ADAMTS3: variants seen among roughly 807,000 people sequenced by gnomAD.
ADAMTS3 encodes the protein A disintegrin and metalloproteinase with thrombospondin motifs 3.
Under a neutral mutation model 129.0 loss-of-function variants are expected in ADAMTS3, and 73 were observed. That is an observed-to-expected ratio of 0.57 (90% CI 0.47 to 0.69). The LOEUF (loss-of-function observed/expected upper bound fraction) is 0.69, where lower values mean the gene tolerates loss of function less well. Ranked by LOEUF, ADAMTS3 falls within the 30% of genes least tolerant of loss-of-function variation. The pLI is 0.00. For missense variants in ADAMTS3, 1,457 were observed against 1,514.5 expected (o/e 0.96, Z 0.63); for synonymous variants, 477 against 510.8 (o/e 0.93, Z 0.89).
intron 3 of ADAMTS3, among the ~76,000 whole-genome samples, chr4:72,520,279 G>C (rs183573404): frequency 1.3e-5 from 2 of 152,322 alleles, no homozygotes; most frequent in East Asian, 3.9e-4. Flanking sequence ...AGGCTGCTCG[G>C]GGGTCAGGGG....
At chr4:72,419,111 T>C (rs1315990578) in intron 3 of ADAMTS3, among the ~76,000 whole-genome samples, 1 of 152,140 alleles carries the variant, frequency 6.6e-6, no homozygotes, top group Non-Finnish European at 1.5e-5. Context: ...AAAAATGAGG[T>C]GCCCCCGTCT....
intron 5 of ADAMTS3, among the ~76,000 whole-genome samples, chr4:72,323,499 C>T (rs1287205960): frequency 6.6e-6 from 1 of 152,156 alleles, no homozygotes; most frequent in Non-Finnish European, 1.5e-5. Flanking sequence ...CATTTGCTTA[C>T]TGGGGTGCCT....
At chr4:72,343,560 A>T (rs763821259) in intron 4 of ADAMTS3, among the ~76,000 whole-genome samples, 91 of 152,132 alleles carry the variant, frequency 6.0e-4, no homozygotes, top group Non-Finnish European at 9.7e-4. Flanking sequence ...TGCCTGCCAA[A>T]ATATCTTTGA....
In ADAMTS3 at chr4:72,319,932, T is replaced by C. The variant is rs779585078; in HGVS notation, c.1134A>G (p.Pro378=). The change falls in exon 8 of 22, where the codon CCA becomes CCG. Residue 378 remains proline (P), a synonymous_variant. Coordinates refer to ENST00000286657, the MANE Select transcript of ADAMTS3 (RefSeq NM_014243.3). ...GYAPVTGMCH[P]VRSCTLNHED... Reference sequence around the variant, plus strand: ...CATGATTCAGGGTACAACTTCTCACTGGATGACACATGCCGGTGACTGGAG... The same window carrying C: ...CATGATTCAGGGTACAACTTCTCACCGGATGACACATGCCGGTGACTGGAG... 1.9e-6 allele frequency: 3 copies of C among 1,613,516 alleles called. No homozygotes were observed. The highest frequency in any genetic ancestry group is 2.7e-5 in the African/African-American group (2 of 74,912).
intron 3 of ADAMTS3, among the ~76,000 whole-genome samples, chr4:72,502,249 T>C (rs1429068499): frequency 2.6e-5 from 4 of 152,178 alleles, no homozygotes; most frequent in Non-Finnish European, 5.9e-5. Flanking sequence ...GGTCTGGGGC[T>C]TCTTTTTGGT....
chr4:72,560,883 T>C (rs192861136), intron 2 of ADAMTS3, among the ~76,000 whole-genome samples: 3 of 152,328 alleles, frequency 2.0e-5, no homozygotes, highest in Admixed American at 6.5e-5. Context: ...GTATTATGCA[T>C]ATGTTACACA....
At chr4:72,360,289 T>G (rs1166083188) in intron 4 of ADAMTS3, among the ~76,000 whole-genome samples, 1 of 152,032 alleles carries the variant, frequency 6.6e-6, no homozygotes, top group Non-Finnish European at 1.5e-5. Context: ...ATGACGAAGC[T>G]TAAATCGAGC....
chr4:72,532,613 A>C (rs951080746), intron 3 of ADAMTS3, among the ~76,000 whole-genome samples: 4 of 152,130 alleles, frequency 2.6e-5, no homozygotes, highest in Admixed American at 2.6e-4. Flanking sequence ...GAAATGCATT[A>C]GGTGATTTCA....
chr4:72,504,125 A>T (rs550753114), intron 3 of ADAMTS3, among the ~76,000 whole-genome samples: 1 of 152,168 alleles, frequency 6.6e-6, no homozygotes, highest in Non-Finnish European at 1.5e-5. Flanking sequence ...TTTTGATGCT[A>T]TCATGAAGTT....
intron 3 of ADAMTS3, among the ~76,000 whole-genome samples, chr4:72,531,528 G>A (rs1006226158): frequency 6.6e-6 from 1 of 152,128 alleles, no homozygotes; most frequent in South Asian, 2.1e-4. Context: ...GCAGGAGAGG[G>A]TTGGGTAAAG....
intron 3 of ADAMTS3, among the ~76,000 whole-genome samples, chr4:72,419,171 T>C (rs532355936): frequency 8.5e-5 from 13 of 152,306 alleles, no homozygotes; most frequent in African/African-American, 3.1e-4. Context: ...TAATGTGTTC[T>C]TTTCTCTCCT....
chr4:72,418,119 T>C (rs1578662305), intron 3 of ADAMTS3, among the ~76,000 whole-genome samples: 3 of 151,854 alleles, frequency 2.0e-5, no homozygotes, highest in Non-Finnish European at 4.4e-5. Flanking sequence ...GGGCAGTTGA[T>C]AGTAAAATCA....
chr4:72,422,604 C>G (rs1256981793), intron 3 of ADAMTS3, among the ~76,000 whole-genome samples: 1 of 152,126 alleles, frequency 6.6e-6, no homozygotes, highest in Non-Finnish European at 1.5e-5. Flanking sequence ...TTGGTCAACT[C>G]TTCCAGCTAC....
chr4:72,396,198 G>C (rs1467345429), intron 4 of ADAMTS3, among the ~76,000 whole-genome samples: 1 of 152,180 alleles, frequency 6.6e-6, no homozygotes, highest in African/African-American at 2.4e-5. Context: ...CTCAATGTTA[G>C]CCAGTCTGAG....
At chr4:72,350,223 A>G (rs1720397804) in intron 4 of ADAMTS3, among the ~76,000 whole-genome samples, 1 of 152,064 alleles carries the variant, frequency 6.6e-6, no homozygotes, top group Non-Finnish European at 1.5e-5. Context: ...AGAGAGAAAC[A>G]CTGTTACTAC....
At chr4:72,532,784 CAT>C (rs1469923561) in intron 3 of ADAMTS3, among the ~76,000 whole-genome samples, 2 of 152,030 alleles carry the variant, frequency 1.3e-5, no homozygotes, top group African/African-American at 4.8e-5. Flanking sequence ...ACTGTCATAA[CAT>C]AGGAAGTATT....
chr4:72,555,848 G>A (rs140847723), intron 2 of ADAMTS3, among the ~76,000 whole-genome samples: 1 of 151,476 alleles, frequency 6.6e-6, no homozygotes, highest in South Asian at 2.1e-4. Context: ...GTTTAAAGGT[G>A]TGTAGTACTT....
At position 72,398,530 on chromosome 4, in the gene ADAMTS3, G is replaced by A. The variant is rs753741543; in HGVS notation, c.661+16285C>T. Among the ~76,000 whole-genome samples the A allele has an allele frequency of 9.2e-5, 14 of 152,222 alleles. No homozygotes were observed. The South Asian group carries it at 1.2e-3, about 14-fold the overall frequency. ...GCGGAGGTTGCAGTGAGCTGAGATC[G>A]TGCCACTGCACTCCAGCCTGGGTGA... On this transcript the variant is annotated intron_variant, in intron 4 of 21. Coordinates refer to ENST00000286657, the MANE Select transcript of ADAMTS3 (RefSeq NM_014243.3).
Position 72,363,923 on chromosome 4 carries a change from GATA to G in ADAMTS3, c.662-24233_662-24231del, listed in dbSNP as rs1255890065. On this transcript the variant is annotated intron_variant, in intron 4 of 21. Coordinates refer to ENST00000286657, the MANE Select transcript of ADAMTS3 (RefSeq NM_014243.3). ...CGACGATGATGATGGTGATGGCGAC[GATA>G]ATGATGATGATGATGAAGAACAATG... is the stretch of plus-strand genomic sequence containing the variant. Among the ~76,000 whole-genome samples the G allele has an allele frequency of 1.2e-4, 19 of 152,146 alleles. 1 individual carries two copies. In the South Asian group the frequency reaches 3.1e-3, roughly 25 times the overall value.
Sources: allele counts gnomAD v4.1 joint callset (sites outside exome capture counted in the v4.1 genomes callset), GRCh38; gene constraint gnomAD v4.1.1; transcripts MANE v1.5; gene names NCBI Gene and HGNC (gene_info 2026-07-23, HGNC 2026-07-21).